CFAP54: variants seen among roughly 807,000 people sequenced by gnomAD.
The protein encoded by CFAP54 is cilia- and flagella-associated protein 54.
CFAP54 carries 290 observed loss-of-function variants against 370.4 expected under a neutral mutation model. The ratio of observed to expected loss-of-function variants is 0.78; its 90% CI spans 0.71 to 0.86. The LOEUF is 0.86. Among genes scored for constraint, CFAP54 ranks in the 40% least tolerant of loss-of-function variants. CFAP54 has a pLI of 0.00. For missense variants in CFAP54, 3,399 were observed against 3,528.7 expected, an observed-to-expected ratio of 0.96 and a Z score of 0.93; for synonymous variants, 1,206 against 1,236.5, an observed-to-expected ratio of 0.98 and a Z score of 0.52.
At chr12:96,694,341 T>A (rs1957418146) in intron 45 of CFAP54, among the ~76,000 whole-genome samples, 1 of 152,204 alleles carries the variant, frequency 6.6e-6, no homozygotes, top group African/African-American at 2.4e-5. Context: ...TTGTTCTCTC[T>A]GCTCTCTTTC....
At chr12:96,623,730 G>T (rs1390679937) in intron 27 of CFAP54, 37 bp from the exon 28 acceptor site, 1 of 1,086,474 alleles carries the variant, frequency 9.2e-7, no homozygotes, top group Non-Finnish European at 1.3e-6. Context: ...GTTGCAACAC[G>T]TTAAAGTACA....
chr12:96,495,639 A>G (rs1458311036), intron 1 of CFAP54, among the ~76,000 whole-genome samples: 1 of 151,906 alleles, frequency 6.6e-6, no homozygotes, highest in Non-Finnish European at 1.5e-5. Flanking sequence ...GTTTTAGAAC[A>G]TTTTACATAT....
intron 15 of CFAP54, among the ~76,000 whole-genome samples, chr12:96,551,079 G>A (rs903068083): frequency 9.9e-5 from 15 of 152,026 alleles, no homozygotes; most frequent in African/African-American, 3.6e-4. Flanking sequence ...GACCAGCCTG[G>A]GCAATATGGT....
chr12:96,863,037 C>G (rs1592819592), intron 67 of CFAP54, among the ~76,000 whole-genome samples: 1 of 152,192 alleles, frequency 6.6e-6, no homozygotes, highest in African/African-American at 2.4e-5. Flanking sequence ...GTTTTTGTCA[C>G]TAGTAAGTTT....
At position 96,554,259 on chromosome 12, in the gene CFAP54, G is replaced by GTTA; in HGVS notation, c.2233_2235dup (p.Leu745dup). Reference sequence around the variant, plus strand: ...TCGGTGGAATAAATTTGAATTGCATGTTAACCTCTTTGCCAAATGGATCAT... The same window carrying GTTA: ...TCGGTGGAATAAATTTGAATTGCATGTTATTAACCTCTTTGCCAAATGGATCAT... On this transcript the variant is annotated inframe_insertion, in exon 16 of 68. Transcript: ENST00000524981. 6.5e-7 allele frequency: 1 copy of GTTA among 1,528,980 alleles called. No homozygotes were observed. The allele number at this position is 1,528,980 out of a possible 1,614,324, so 94.7% of individuals were successfully genotyped here.
At chr12:96,688,891 AT>A (rs779009833) in intron 42 of CFAP54, 24 bp from the exon 43 acceptor site, 155 of 1,407,398 alleles carry the variant, frequency 1.1e-4, no homozygotes, top group African/African-American at 4.4e-4. Context: ...CTACTAATCA[AT>A]TTTTTTTTCT....
At chr12:96,525,495 A>G (rs1163026584) in intron 8 of CFAP54, among the ~76,000 whole-genome samples, 1 of 151,730 alleles carries the variant, frequency 6.6e-6, no homozygotes, top group Non-Finnish European at 1.5e-5. Context: ...TGGTTTTTCT[A>G]TGATGTTTTT....
At chr12:96,753,688 G>T (rs1467352083) in intron 55 of CFAP54, 55 bp from the exon 56 acceptor site, 3 of 1,563,942 alleles carry the variant, frequency 1.9e-6, no homozygotes, top group South Asian at 2.3e-5. Flanking sequence ...TTGGAGGCTT[G>T]TTATAAACAC....
intron 46 of CFAP54, among the ~76,000 whole-genome samples, chr12:96,702,403 G>A (rs1056439869): frequency 6.6e-6 from 1 of 152,104 alleles, no homozygotes; most frequent in Admixed American, 6.6e-5. Flanking sequence ...GATGAATTCA[G>A]CTGGGGATGA....
intron 48 of CFAP54, among the ~76,000 whole-genome samples, chr12:96,711,735 AT>A (rs1957617357): frequency 6.6e-6 from 1 of 152,188 alleles, no homozygotes; most frequent in South Asian, 2.1e-4. Context: ...AAAACCAATA[AT>A]TTTTACTAAT....
chr12:96,687,720 A>G (rs1276362955), intron 42 of CFAP54, among the ~76,000 whole-genome samples: 4 of 152,166 alleles, frequency 2.6e-5, no homozygotes, highest in Non-Finnish European at 4.4e-5. Context: ...CTGGGATAGA[A>G]CACACACACG....
intron 63 of CFAP54, among the ~76,000 whole-genome samples, chr12:96,810,342 TC>T (rs1282197338): frequency 1.3e-5 from 2 of 152,148 alleles, no homozygotes; most frequent in Non-Finnish European, 2.9e-5. Flanking sequence ...TTGTGTTCTT[TC>T]TGTCCTTGTG....
chr12:96,809,280 G>T (rs928921275), intron 63 of CFAP54, among the ~76,000 whole-genome samples: 1 of 151,888 alleles, frequency 6.6e-6, no homozygotes, highest in Non-Finnish European at 1.5e-5. Context: ...GATTATCTTA[G>T]TACCTTTTGG....
chr12:96,870,646 A>G (rs370554217), intron 67 of CFAP54, among the ~76,000 whole-genome samples: 1 of 152,218 alleles, frequency 6.6e-6, no homozygotes, highest in East Asian at 1.9e-4. Flanking sequence ...GTTTCTGTCT[A>G]GAAGGATCAG....
chr12:96,802,616 G>C (rs1246420064), intron 63 of CFAP54, among the ~76,000 whole-genome samples: 1 of 152,066 alleles, frequency 6.6e-6, no homozygotes, highest in African/African-American at 2.4e-5. Context: ...ACATCTGGCC[G>C]ACTACTCCCA....
At chr12:96,493,094 C>T (rs1018887060) in intron 1 of CFAP54, among the ~76,000 whole-genome samples, 7 of 152,120 alleles carry the variant, frequency 4.6e-5, no homozygotes, top group Admixed American at 3.9e-4. Flanking sequence ...ACAGAATCTG[C>T]GCCATCTTTA....
At chr12:96,592,679 T>C (rs771479329) in intron 24 of CFAP54, 42 bp downstream of exon 24, 2 of 674,256 alleles carry the variant, frequency 3.0e-6, no homozygotes, top group Non-Finnish European at 4.3e-6. Context: ...AGATTCACTG[T>C]ATTTTTTTCT....
At chr12:96,638,233 GTGTGTGTGTATATATA>G (rs1257276547) in intron 32 of CFAP54, among the ~76,000 whole-genome samples, 1 of 93,332 alleles carries the variant, frequency 1.1e-5, no homozygotes, top group African/African-American at 3.8e-5. Flanking sequence ...GTGTGTGTGT[GTGTGTGTGTATATATA>G]TATATATTTA....
intron 32 of CFAP54, among the ~76,000 whole-genome samples, chr12:96,640,079 G>A (rs1956707267): frequency 6.6e-6 from 1 of 152,048 alleles, no homozygotes; most frequent in African/African-American, 2.4e-5. Context: ...TTCTGGCCAG[G>A]GCAATCAGGC....
Sources: allele counts gnomAD v4.1 joint callset (sites outside exome capture counted in the v4.1 genomes callset), GRCh38; gene constraint gnomAD v4.1.1; transcripts MANE v1.5; gene names NCBI Gene and HGNC (gene_info 2026-07-23, HGNC 2026-07-21).